The following TMEM131L variants were observed in gnomAD, a reference collection of about 807,000 sequenced individuals.
The protein encoded by TMEM131L is transmembrane protein 131-like.
Under a neutral mutation model 192.2 loss-of-function variants are expected in TMEM131L, and 54 were observed. The ratio of observed to expected loss-of-function variants is 0.28; its 90% CI spans 0.23 to 0.35. TMEM131L has a LOEUF of 0.35. TMEM131L is among the 10% of genes least tolerant of loss of function. The pLI is 1.00. For missense variants in TMEM131L, 1,888 were observed against 1,972.9 expected, an observed-to-expected ratio of 0.96 and a Z score of 0.82; for synonymous variants, 701 against 704.9, an observed-to-expected ratio of 0.99 and a Z score of 0.09.
chr4:153,514,973 G>A (rs538517569), intron 3 of TMEM131L, among the ~76,000 whole-genome samples: 3 of 151,504 alleles, frequency 2.0e-5, no homozygotes, highest in South Asian at 2.1e-4. Flanking sequence ...CACCACACTC[G>A]GCTTATTTTG....
At chr4:153,565,960 A>G (rs1310151189) in intron 7 of TMEM131L, among the ~76,000 whole-genome samples, 1 of 152,194 alleles carries the variant, frequency 6.6e-6, no homozygotes. Flanking sequence ...GGAGTGTTTC[A>G]GTGACTTATT....
At chr4:153,481,383 C>T (rs1247819364) in intron 3 of TMEM131L, among the ~76,000 whole-genome samples, 1 of 152,212 alleles carries the variant, frequency 6.6e-6, no homozygotes, top group Non-Finnish European at 1.5e-5. Context: ...GGGTGAAGAG[C>T]TGCAGAAGGA....
chr4:153,543,156 A>G (rs2150349746), intron 3 of TMEM131L, among the ~76,000 whole-genome samples: 1 of 152,344 alleles, frequency 6.6e-6, no homozygotes, highest in African/African-American at 2.4e-5. Flanking sequence ...AACTAGGAAA[A>G]TCATGTCCTA....
intron 3 of TMEM131L, among the ~76,000 whole-genome samples, chr4:153,515,199 T>C (rs903836884): frequency 6.6e-6 from 1 of 152,212 alleles, no homozygotes; most frequent in African/African-American, 2.4e-5. Flanking sequence ...TTCAGAAATT[T>C]TCATCAACTT....
chr4:153,593,663 T>A lies in TMEM131L; in HGVS notation c.1923-136T>A. 6.4e-6 allele frequency: 4 copies of A among 623,012 alleles called. No homozygotes were observed. The South Asian group carries it at 7.6e-5, about 12-fold the overall frequency. The allele number at this position is 623,012 out of a possible 1,614,324, so 38.6% of individuals were successfully genotyped here. A position where few individuals can be genotyped will look rare whatever the true frequency, so the allele number is the denominator to read the frequency against. On this transcript the variant is annotated intron_variant, in intron 18 of 34. Transcript: ENST00000409959. Reference sequence around the variant, plus strand: ...GGGGTGGAATGTCGGGTGGACAGGATGGGATGAATTTTGTGTGTATGTGTG... The same window carrying A: ...GGGGTGGAATGTCGGGTGGACAGGAAGGGATGAATTTTGTGTGTATGTGTG...
At chr4:153,608,057 G>T (rs772795052) in intron 25 of TMEM131L, among the ~76,000 whole-genome samples, 7 of 152,080 alleles carry the variant, frequency 4.6e-5, no homozygotes, top group Non-Finnish European at 8.8e-5. Flanking sequence ...GGAGGTCAAG[G>T]CTGCAGTGAG....
chr4:153,521,110 G>T lies in TMEM131L; in HGVS notation c.240-28963G>T, dbSNP rs114098875. Among the ~76,000 whole-genome samples the T allele has an allele frequency of 3.3e-3, 496 of 152,278 alleles. 2 individuals carry two copies. Among genetic ancestry groups the T allele is most frequent in the Non-Finnish European group, 5.1e-3 (345 of 68,028 alleles). On this transcript the variant is annotated intron_variant, in intron 3 of 34. Transcript: ENST00000409959. ...CACACATTAACTTGAGCCACTTTCC[G>T]GCTCTGTGATCTGGGGCCTTGTTTC...
At chr4:153,534,006 G>C (rs1736119464) in intron 3 of TMEM131L, among the ~76,000 whole-genome samples, 1 of 152,152 alleles carries the variant, frequency 6.6e-6, no homozygotes, top group South Asian at 2.1e-4. Flanking sequence ...GTTGAAGTTT[G>C]GGAAACGTTT....
At chr4:153,479,829 C>T (rs995613820) in intron 3 of TMEM131L, among the ~76,000 whole-genome samples, 1 of 152,210 alleles carries the variant, frequency 6.6e-6, no homozygotes, top group Non-Finnish European at 1.5e-5. Flanking sequence ...ACAACTTAAT[C>T]TTTGGGGACA....
intron 33 of TMEM131L, among the ~76,000 whole-genome samples, chr4:153,634,529 C>A (rs963938700): frequency 6.6e-6 from 1 of 152,160 alleles, no homozygotes; most frequent in Non-Finnish European, 1.5e-5. Context: ...CCATTTAGTC[C>A]TTCCAGTTAG....
intron 8 of TMEM131L, 144 bp downstream of exon 8, chr4:153,581,047 A>G (rs1730301561): frequency 5.0e-6 from 3 of 594,148 alleles, no homozygotes; most frequent in Non-Finnish European, 9.0e-6. Context: ...AGGTCAGGAG[A>G]TTGAGACCAT....
intron 3 of TMEM131L, among the ~76,000 whole-genome samples, chr4:153,512,271 G>A (rs936143382): frequency 1.3e-5 from 2 of 152,134 alleles, no homozygotes; most frequent in Non-Finnish European, 2.9e-5. Flanking sequence ...GTGAAAATTT[G>A]AATATTAACC....
At position 153,635,448 on chromosome 4, in the gene TMEM131L, C is replaced by G. The variant is rs1734502264; in HGVS notation, c.4434C>G (p.Ala1478=). ...NAFPEENMNY[A]NGFPCPADVQ... ...TCTTTGTAGAAAACATGAACTATGC[C>G]AATGGCTTCCCCTGTCCTGCAGATG... The change falls in exon 34 of 35, where the codon GCC becomes GCG. Residue 1478 remains alanine (A), a synonymous_variant. Coordinates refer to ENST00000409959, the MANE Select transcript of TMEM131L (RefSeq NM_001131007.2). 2 of 1,613,846 alleles carry G rather than the reference C, an allele frequency of 1.2e-6. No individual in the cohort carries two copies. The highest frequency in any genetic ancestry group is 1.7e-6 in the Non-Finnish European group (2 of 1,179,756).
Position 153,612,387 on chromosome 4 carries a change from T to TA in TMEM131L, c.3555dup (p.Pro1186ThrfsTer10). ...GACATGTTTTCTGAGAAACAGGACA[T>TA]ACCTTTCGTAGAGGTCTGTATTTTT... is the stretch of plus-strand genomic sequence containing the variant. On this transcript the variant is annotated frameshift_variant, in exon 26 of 35. Coordinates refer to ENST00000409959, the MANE Select transcript of TMEM131L (RefSeq NM_001131007.2). LOFTEE classifies it high-confidence loss of function. The TA allele has an allele frequency of 6.3e-7, 1 of 1,593,960 alleles. No homozygotes were observed. Among genetic ancestry groups the TA allele is most frequent in the Non-Finnish European group, 8.5e-7 (1 of 1,174,214 alleles).
In TMEM131L at chr4:153,632,738, C is replaced by T. The variant is rs1734296838; in HGVS notation, c.4228C>T (p.Leu1410=). 1.2e-6 allele frequency: 2 copies of T among 1,613,984 alleles called. No homozygotes were observed. Among genetic ancestry groups the T allele is most frequent in the Admixed American group, 1.7e-5 (1 of 59,996 alleles). ...CGTAGGTCTTTACTCACCTGGAGAC[C>T]TGTGGCCCACTCCGCCAGTGTGTGT... ...EDKGLYSPGD[L]WPTPPVCVTS... The change falls in exon 32 of 35, where the codon CTG becomes TTG. Residue 1410 remains leucine (L), a synonymous_variant. Coordinates refer to ENST00000409959, the MANE Select transcript of TMEM131L (RefSeq NM_001131007.2).
intron 7 of TMEM131L, among the ~76,000 whole-genome samples, chr4:153,577,347 T>G (rs1167569066): frequency 6.6e-6 from 1 of 152,168 alleles, no homozygotes; most frequent in African/African-American, 2.4e-5. Flanking sequence ...GTAAATTCAC[T>G]CTTGGTGCAG....
intron 3 of TMEM131L, among the ~76,000 whole-genome samples, chr4:153,487,228 T>C (rs1307266814): frequency 6.6e-6 from 1 of 152,154 alleles, no homozygotes; most frequent in African/African-American, 2.4e-5. Flanking sequence ...GTAGAAATAG[T>C]CTTGTAGGTA....
chr4:153,556,921 C>T (rs1728503483), intron 5 of TMEM131L, 45 bp from the exon 6 acceptor site: 2 of 865,932 alleles, frequency 2.3e-6, no homozygotes, highest in African/African-American at 3.4e-5. Context: ...GACAGTTTAT[C>T]AAAGGAGGCC....
chr4:153,604,480 G>T (rs1381115363), intron 25 of TMEM131L, 50 bp downstream of exon 25: 1 of 1,506,872 alleles, frequency 6.6e-7, no homozygotes, highest in Non-Finnish European at 8.9e-7. Context: ...TACCCAGTCT[G>T]TTTTTAATGG....
Sources: gnomAD v4.1 joint callset for allele counts (sites outside exome capture counted in the v4.1 genomes callset) on GRCh38, gnomAD v4.1.1 for gene constraint, MANE v1.5 for transcripts, NCBI Gene and HGNC (gene_info 2026-07-23, HGNC 2026-07-21) for gene names.